Variants in CIDEA observed in about 807,000 individuals in gnomAD.
CIDEA encodes the protein lipid transferase CIDEA.
A neutral mutation model predicts 18.2 loss-of-function variants in CIDEA; 10 were observed. That is an observed-to-expected ratio of 0.55 (90% CI 0.34 to 0.93). The LOEUF (loss-of-function observed/expected upper bound fraction) is 0.93. CIDEA is among the 40% of genes least tolerant of loss of function. The probability of loss-of-function intolerance (pLI) is 0.02; values close to 1 mark genes in which losing one functional copy is unlikely to be tolerated. For synonymous variants in CIDEA, 128 were observed against 124.8 expected (o/e 1.03, Z -0.17); for missense variants, 309 against 293.1 (o/e 1.05, Z -0.40).
intron 3 of CIDEA, among the ~76,000 whole-genome samples, chr18:12,272,687 C>T (rs1302589756): frequency 2.6e-5 from 4 of 151,988 alleles, no homozygotes; most frequent in Non-Finnish European, 4.4e-5. Flanking sequence ...GAGCTACAAC[C>T]GCTTAGAAAA....
intron 1 of CIDEA, chr18:12,255,095 GGCA>G: frequency 2.6e-6 from 1 of 387,210 alleles, no homozygotes; most frequent in South Asian, 2.6e-5. Flanking sequence ...TGGTCGAACA[GGCA>G]GCATTGGCTA....
chr18:12,274,302 G>T, intron 4 of CIDEA, 28 bp downstream of exon 4: 2 of 1,610,406 alleles, frequency 1.2e-6, no homozygotes, highest in South Asian at 1.1e-5. Flanking sequence ...TCACCTCCGG[G>T]GGTCTGCAGA....
chr18:12,275,731 C>T (rs1052482585), intron 4 of CIDEA, among the ~76,000 whole-genome samples: 12 of 152,094 alleles, frequency 7.9e-5, no homozygotes, highest in Non-Finnish European at 1.3e-4. Context: ...GGGTGTGTGG[C>T]TTCTCTGTGG....
chr18:12,265,134 T>G (rs1912314876), intron 3 of CIDEA, among the ~76,000 whole-genome samples: 1 of 152,176 alleles, frequency 6.6e-6, no homozygotes, highest in Non-Finnish European at 1.5e-5. Context: ...TGTGTGTGCA[T>G]GTGTGAATAT....
In CIDEA at chr18:12,262,961, ATCAG is replaced by A. The variant is rs753659417; in HGVS notation, c.176_179del (p.Ile59ThrfsTer41). 6.2e-7 allele frequency: 1 copy of A among 1,613,978 alleles called. No homozygotes were observed. The highest frequency in any genetic ancestry group is 1.3e-5 in the African/African-American group (1 of 74,912). On this transcript the variant is annotated frameshift_variant, in exon 2 of 5. Transcript: ENST00000320477. LOFTEE classifies it high-confidence loss of function. ...GATGGCAAGCAGCCTGCAGGAGCTCATCAGCAAGGTGCCCCACATCCCGCACCTC... is the reference window on the plus strand; with the variant it reads ...GATGGCAAGCAGCCTGCAGGAGCTCACAAGGTGCCCCACATCCCGCACCTC...
chr18:12,266,952 G>T (rs943531860), intron 3 of CIDEA, among the ~76,000 whole-genome samples: 5 of 152,010 alleles, frequency 3.3e-5, no homozygotes, highest in Non-Finnish European at 5.9e-5. Context: ...GTAGAGATGG[G>T]GTTTCACCAT....
chr18:12,276,060 C>T (rs1396825460), intron 4 of CIDEA, among the ~76,000 whole-genome samples: 1 of 142,698 alleles, frequency 7.0e-6, no homozygotes. Flanking sequence ...GGGGCACGAT[C>T]TCAGCTCACT....
intron 3 of CIDEA, among the ~76,000 whole-genome samples, chr18:12,270,837 T>A (rs1189784905): frequency 1.3e-5 from 2 of 150,754 alleles, no homozygotes; most frequent in Admixed American, 6.6e-5. Context: ...GCAAAAATAA[T>A]GCCCCCACAG....
intron 1 of CIDEA, among the ~76,000 whole-genome samples, chr18:12,262,128 C>A (rs1287940249): frequency 6.6e-6 from 1 of 151,832 alleles, no homozygotes; most frequent in Non-Finnish European, 1.5e-5. Flanking sequence ...GATCACACTA[C>A]TGCAATCCAG....
At chr18:12,256,932 G>A (rs8084404) in intron 1 of CIDEA, among the ~76,000 whole-genome samples, 121,299 of 152,148 alleles carry the variant, frequency 0.8, 51,623 homozygotes, top group East Asian at 1. Flanking sequence ...CCTTGTCGGG[G>A]CGAGTTTATC....
At chr18:12,270,943 G>C (rs1433337381) in intron 3 of CIDEA, among the ~76,000 whole-genome samples, 2 of 119,738 alleles carry the variant, frequency 1.7e-5, no homozygotes, top group Non-Finnish European at 3.3e-5. Context: ...TTGTCGCCCA[G>C]GAGGGAGTGC....
rs761949756 is a variant in CIDEA at position 12,264,369 on chromosome 18, C to T, written c.246C>T (p.Thr82=). ...LVTLVLEEDG[T]VVDTEEFFQT... ...CTCTGGTGCTGGAGGAAGATGGCAC[C>T]GTGGTGGACACAGAAGAGTTCTTTC... The change falls in exon 3 of 5, where the codon ACC becomes ACT. Residue 82 remains threonine, a synonymous_variant. Transcript: ENST00000320477. 1 of 1,613,966 alleles carries T rather than the reference C, an allele frequency of 6.2e-7. No individual in the cohort carries two copies. Among genetic ancestry groups the T allele is most frequent in the Non-Finnish European group, 8.5e-7 (1 of 1,179,894 alleles).
At chr18:12,270,779 A>G (rs1912494677) in intron 3 of CIDEA, among the ~76,000 whole-genome samples, 1 of 151,372 alleles carries the variant, frequency 6.6e-6, no homozygotes, top group Non-Finnish European at 1.5e-5. Flanking sequence ...CAAATCATTT[A>G]AAGCAAATAT....
intron 3 of CIDEA, 51 bp from the exon 4 acceptor site, chr18:12,274,042 T>C (rs149231611): frequency 6.3e-7 from 1 of 1,593,446 alleles, no homozygotes; most frequent in Non-Finnish European, 8.6e-7. Flanking sequence ...AGTGATGACG[T>C]GGGAGGGTTA....
In CIDEA at chr18:12,262,869, C is replaced by T. The variant is rs143402568; in HGVS notation, c.83C>T (p.Thr28Ile). ...TCACAGACTAAGCGAGTCCTGTTCA[C>T]CCCGCTCATGCATCCAGCTCGCCCT... ...MGSQTKRVLF[T>I]PLMHPARPFR... The change falls in exon 2 of 5, where the codon ACC becomes ATC. Residue 28 changes from threonine to isoleucine, a missense_variant. Transcript: ENST00000320477. 2 of 1,614,100 alleles carry T rather than the reference C, an allele frequency of 1.2e-6. No homozygotes were observed. The highest frequency in any genetic ancestry group is 2.2e-5 in the East Asian group (1 of 44,898).
intron 3 of CIDEA, among the ~76,000 whole-genome samples, chr18:12,270,894 C>CCTTTTTTTTTTTTTTTTTTT (rs1555662488): frequency 1.7e-5 from 1 of 60,000 alleles, no homozygotes; most frequent in African/African-American, 6.8e-5. Flanking sequence ...TTTTTCTTTT[C>CCTTTTTTTTTTTTTTTTTTT]TTTTTTTTTT....
intron 3 of CIDEA, among the ~76,000 whole-genome samples, chr18:12,268,230 A>ATTTTTTTT (rs1285349657): frequency 1.7e-5 from 2 of 114,666 alleles, no homozygotes; most frequent in East Asian, 2.7e-4. Flanking sequence ...ATGCCCGGCC[A>ATTTTTTTT]TTTTTTTTTT....
chr18:12,274,059 C>T (rs1330350273), intron 3 of CIDEA, 34 bp from the exon 4 acceptor site: 3 of 1,610,666 alleles, frequency 1.9e-6, no homozygotes, highest in African/African-American at 2.7e-5. Flanking sequence ...GTTAGGAAGG[C>T]TCCTGAAGCC....
chr18:12,275,902 A>AAG (rs1905313652), intron 4 of CIDEA, among the ~76,000 whole-genome samples: 2 of 152,134 alleles, frequency 1.3e-5, no homozygotes, highest in South Asian at 4.1e-4. Context: ...AAAGTTAGGC[A>AAG]AGAGAGTTAC....
Sources: gnomAD v4.1 joint callset for allele counts (sites outside exome capture counted in the v4.1 genomes callset) on GRCh38, gnomAD v4.1.1 for gene constraint, MANE v1.5 for transcripts, NCBI Gene and HGNC (gene_info 2026-07-23, HGNC 2026-07-21) for gene names.